TUBGCP3: variants seen among roughly 807,000 people sequenced by gnomAD.
TUBGCP3 encodes the protein tubulin gamma complex component 3.
Under a neutral mutation model 123.1 loss-of-function variants are expected in TUBGCP3, and 50 were observed. That is an observed-to-expected ratio of 0.41 (90% CI 0.32 to 0.51). The LOEUF is 0.51. Among genes scored for constraint, TUBGCP3 ranks in the 20% least tolerant of loss-of-function variants. The pLI is 0.36. For synonymous variants in TUBGCP3, 405 were observed against 413.9 expected (o/e 0.98, Z 0.26); for missense variants, 882 against 1,127.0 (o/e 0.78, Z 3.11).
At chr13:112,553,555 G>A (rs1232265931) in intron 8 of TUBGCP3, among the ~76,000 whole-genome samples, 1 of 152,206 alleles carries the variant, frequency 6.6e-6, no homozygotes, top group Admixed American at 6.5e-5. Flanking sequence ...TCCCAACCAT[G>A]CACTGTGCCA....
the TUBGCP3 span, chr13:112,602,851 AT>A: frequency 2.0e-5 from 3 of 151,208 alleles, no homozygotes; most frequent in Admixed American, 6.6e-5. Context: ...TAACGGTTTT[AT>A]TTTGCACAAG....
intron 8 of TUBGCP3, among the ~76,000 whole-genome samples, chr13:112,551,219 G>C (rs560479333): frequency 3.3e-5 from 5 of 152,358 alleles, no homozygotes; most frequent in African/African-American, 1.2e-4. Context: ...ACAACCAAAA[G>C]AGTGGAAGTG....
At chr13:112,592,233 A>G (rs558052750), upstream of TUBGCP3, among the ~76,000 whole-genome samples, 1 of 152,364 alleles carries the variant, frequency 6.6e-6, no homozygotes, top group South Asian at 2.1e-4. This position sits in a 1 kb window ranked among gnomAD's most constrained non-coding sequence, Gnocchi z 4.1. Context: ...GAATAATTCA[A>G]AGTATGGACT....
intron 11 of TUBGCP3, among the ~76,000 whole-genome samples, chr13:112,540,201 T>G (rs112214432): frequency 2.1e-4 from 27 of 127,402 alleles, no homozygotes; most frequent in East Asian, 1.0e-3. Flanking sequence ...CTGGGAGTGA[T>G]GACGTCAATG....
chr13:112,567,640 G>C (rs1881055005), intron 2 of TUBGCP3, among the ~76,000 whole-genome samples: 1 of 152,160 alleles, frequency 6.6e-6, no homozygotes, highest in Non-Finnish European at 1.5e-5. Context: ...CCAAAGCTCT[G>C]CATCATAACA....
intron 1 of TUBGCP3, among the ~76,000 whole-genome samples, chr13:112,572,381 C>A (rs971811471): frequency 5.6e-4 from 85 of 152,216 alleles, no homozygotes; most frequent in African/African-American, 1.7e-3. Context: ...TGCTGGTTTG[C>A]GGCACCTAAT....
At position 112,547,698 on chromosome 13, in the gene TUBGCP3, G is replaced by C; in HGVS notation, c.1090C>G (p.Leu364Val). ...TAGGTCCAAACCAGGAGGCGCCGAA[G>C]TGTTAAACTACTCTCAAGTCCCAAA... ...VNLGLESSLTLRRLLVWTYDP... is the reference protein window; with the variant it reads ...VNLGLESSLTVRRLLVWTYDP... The change falls in exon 10 of 22, where the codon CTT becomes GTT. Residue 364 changes from leucine to valine, a missense_variant. Around this residue, in one of 3 missense-constraint regions of TUBGCP3, gnomAD observed 713 missense variants for 874.0 expected, o/e 0.82. Coordinates refer to ENST00000261965, the MANE Select transcript of TUBGCP3 (RefSeq NM_006322.6). The C allele has an allele frequency of 6.4e-7, 1 of 1,571,566 alleles. No individual in the cohort carries two copies. The highest frequency in any genetic ancestry group is 8.6e-7 in the Non-Finnish European group (1 of 1,157,138).
At chr13:112,580,675 G>A (rs1479652475) in intron 1 of TUBGCP3, among the ~76,000 whole-genome samples, 2 of 152,112 alleles carry the variant, frequency 1.3e-5, no homozygotes, top group Non-Finnish European at 2.9e-5. Context: ...GTAAGAAATG[G>A]ATTAACATCA....
At position 112,486,202 on chromosome 13, in the gene TUBGCP3, C is replaced by G. The variant is rs775064375; in HGVS notation, c.2566-51G>C. The stretch of plus-strand genomic sequence containing the variant: ...TATTGTTTCAGAAAAGAACAACCCA[C>G]AAACGTATTCCCCGGACCTTAATCT... On this transcript the variant is annotated intron_variant, in intron 21 of 21. Transcript: ENST00000261965. 3.7e-6 allele frequency: 6 copies of G among 1,602,668 alleles called. No homozygotes were observed. The South Asian group carries it at 6.7e-5, about 18-fold the overall frequency.
intron 20 of TUBGCP3, among the ~76,000 whole-genome samples, chr13:112,494,053 G>A (rs574354788): frequency 1.9e-3 from 290 of 151,492 alleles, no homozygotes; most frequent in African/African-American, 6.6e-3. Flanking sequence ...ATGGGGCCTG[G>A]TGTCCCTGAG....
Position 112,545,620 on chromosome 13 carries a change from T to G in TUBGCP3, c.1335+79A>C. 6.5e-7 allele frequency: 1 copy of G among 1,528,054 alleles called. No individual in the cohort carries two copies. Among genetic ancestry groups the G allele is most frequent in the South Asian group, 1.2e-5 (1 of 86,758 alleles). The allele number at this position is 1,528,054 out of a possible 1,614,324, so 94.7% of individuals were successfully genotyped here. A position where few individuals can be genotyped will look rare whatever the true frequency, so the allele number is the denominator to read the frequency against. ...TCCTGTTAGGAGAACATGGTAATCA[T>G]GAGGGGAAAAATGAAACAGCATAAC... On this transcript the variant is annotated intron_variant, in intron 11 of 21. Coordinates refer to ENST00000261965, the MANE Select transcript of TUBGCP3 (RefSeq NM_006322.6). The surrounding 1 kb of genome is among the most constrained non-coding windows in gnomAD (Gnocchi z 4.1).
intron 16 of TUBGCP3, among the ~76,000 whole-genome samples, 183 bp downstream of exon 16, chr13:112,518,792 C>T (rs1421180718): frequency 6.6e-6 from 1 of 152,128 alleles, no homozygotes; most frequent in African/African-American, 2.4e-5. Flanking sequence ...CATTTCAGTA[C>T]TCATTAATAA....
At chr13:112,535,997 G>C (rs923936546) in intron 11 of TUBGCP3, among the ~76,000 whole-genome samples, 3 of 152,158 alleles carry the variant, frequency 2.0e-5, no homozygotes, top group Non-Finnish European at 4.4e-5. Flanking sequence ...CAGTTGTCCT[G>C]TTATCATTTG....
chr13:112,491,896 A>G (rs536511450), intron 20 of TUBGCP3, among the ~76,000 whole-genome samples: 4 of 152,318 alleles, frequency 2.6e-5, no homozygotes, highest in African/African-American at 9.6e-5. Context: ...TCTACTGAGG[A>G]GCTTTTTCTT....
At position 112,559,190 on chromosome 13, in the gene TUBGCP3, T is replaced by C. The variant is rs893797703; in HGVS notation, c.330+132A>G. The C allele has an allele frequency of 9.3e-6, 6 of 647,242 alleles. No individual in the cohort carries two copies. In the African/African-American group the frequency reaches 1.1e-4, roughly 12 times the overall value. The allele number at this position is 647,242 out of a possible 1,614,324, so 40.1% of individuals were successfully genotyped here. ...CCTTAAAAAGAAAAAGGAAAAGAAA[T>C]CTCTTGACCTTCCATGACAGACAAG... On this transcript the variant is annotated intron_variant, in intron 4 of 21. Transcript: ENST00000261965.
Position 112,587,884 on chromosome 13 carries a change from CG to C in TUBGCP3, c.76+20del, listed in dbSNP as rs1882739757. On this transcript the variant is annotated intron_variant, in intron 1 of 21. Transcript: ENST00000261965. ...GCCCCCGGGACGGGTCTGCGGGCTT[CG>C]CGTCGCCCGGCCACTCTACCTTCGC... 6.3e-7 allele frequency: 1 copy of C among 1,583,758 alleles called. No homozygotes were observed. Among genetic ancestry groups the C allele is most frequent in the African/African-American group, 1.4e-5 (1 of 72,040 alleles).
At chr13:112,490,016 C>T (rs1253995823) in intron 20 of TUBGCP3, among the ~76,000 whole-genome samples, 1 of 150,728 alleles carries the variant, frequency 6.6e-6, no homozygotes, top group Non-Finnish European at 1.5e-5. Context: ...ATCCTTCCCT[C>T]GTGCTGTACA....
chr13:112,575,862 G>A (rs1044279049), intron 1 of TUBGCP3, among the ~76,000 whole-genome samples: 3 of 152,188 alleles, frequency 2.0e-5, no homozygotes, highest in Non-Finnish European at 4.4e-5. Flanking sequence ...ATGAGCCAAG[G>A]AGCACCACAG....
intron 13 of TUBGCP3, among the ~76,000 whole-genome samples, 154 bp downstream of exon 13, chr13:112,526,788 A>G (rs552722330): frequency 5.9e-5 from 9 of 151,866 alleles, no homozygotes; most frequent in Admixed American, 2.0e-4. Flanking sequence ...ACCCATCCCC[A>G]ACATCATTAT....
Sources: allele counts gnomAD v4.1 joint callset (sites outside exome capture counted in the v4.1 genomes callset), GRCh38; gene constraint gnomAD v4.1.1; regional missense constraint gnomAD v4.1.1; non-coding constraint Gnocchi (gnomAD v3.1); transcripts MANE v1.5; gene names NCBI Gene and HGNC (gene_info 2026-07-23, HGNC 2026-07-21).